Variants in WDR4 observed in about 807,000 individuals in gnomAD.
WDR4 encodes the protein tRNA (guanine-N(7)-)-methyltransferase non-catalytic subunit WDR4.
WDR4 carries 47 observed loss-of-function variants against 48.6 expected under a neutral mutation model. The ratio of observed to expected loss-of-function variants is 0.97; its 90% CI spans 0.77 to 1.23. WDR4 has a LOEUF of 1.23. Ranked by LOEUF, WDR4 falls within the 50% of genes most tolerant of loss-of-function variation. WDR4 has a pLI of 0.00. For missense variants in WDR4, 606 were observed against 551.6 expected (o/e 1.10, Z -0.99); for synonymous variants, 268 against 230.0 (o/e 1.17, Z -1.49).
At chr21:42,879,700 G>T, upstream of WDR4, 2 of 575,656 alleles carry the variant, frequency 3.5e-6, no homozygotes, top group East Asian at 2.9e-5. Context: ...GGTGTTTCGG[G>T]TTTGGCAGTT....
intron 3 of WDR4, among the ~76,000 whole-genome samples, chr21:42,863,915 G>A (rs1175493605): frequency 2.2e-5 from 2 of 91,744 alleles, no homozygotes; most frequent in African/African-American, 1.6e-4. Context: ...GACCATTCTG[G>A]CTAACACGGT....
chr21:42,874,770 A>G (rs139824053), intron 2 of WDR4, among the ~76,000 whole-genome samples: 1,897 of 152,196 alleles, frequency 0.012, 20 homozygotes, highest in Admixed American at 0.019. Flanking sequence ...CTGTCTCCTG[A>G]TAAGATGTTA....
chr21:42,873,694 G>C lies in WDR4; in HGVS notation c.156-3C>G. 6.2e-7 allele frequency: 1 copy of C among 1,612,562 alleles called. No homozygotes were observed. Among genetic ancestry groups the C allele is most frequent in the Non-Finnish European group, 8.5e-7 (1 of 1,179,136 alleles). On this transcript the variant is annotated splice_polypyrimidine_tract_variant and splice_region_variant and intron_variant, in intron 2 of 10. Transcript: ENST00000398208. ...CCTGGTCCAAGGGCGCGTCCTCCCTGAGGAAGAGAGGAGGAAGACGGTTAA... is the reference window on the plus strand; with the variant it reads ...CCTGGTCCAAGGGCGCGTCCTCCCTCAGGAAGAGAGGAGGAAGACGGTTAA...
chr21:42,872,150 A>G (rs965603143), intron 3 of WDR4, among the ~76,000 whole-genome samples: 16 of 151,978 alleles, frequency 1.1e-4, no homozygotes, highest in Admixed American at 9.8e-4. Flanking sequence ...ATGCCCAGCT[A>G]ATTTTGTATT....
intron 2 of WDR4, 62 bp from the exon 3 acceptor site, chr21:42,873,753 T>G (rs534847353): frequency 2.5e-6 from 4 of 1,568,872 alleles, no homozygotes; most frequent in Non-Finnish European, 3.5e-6. Flanking sequence ...GCATTCCTTG[T>G]TGGCCAGCGT....
chr21:42,865,534 T>C (rs2058227918), intron 3 of WDR4, among the ~76,000 whole-genome samples: 1 of 152,210 alleles, frequency 6.6e-6, no homozygotes, highest in African/African-American at 2.4e-5. Flanking sequence ...TCCGCGTCCC[T>C]TTGTCCTGCC....
chr21:42,857,619 T>G (rs2058025423), intron 6 of WDR4, among the ~76,000 whole-genome samples: 2 of 152,116 alleles, frequency 1.3e-5, no homozygotes, highest in Admixed American at 1.3e-4. Context: ...ACACGTGCAC[T>G]ATCCGAGAAT....
intron 3 of WDR4, among the ~76,000 whole-genome samples, chr21:42,863,802 TTTTC>T (rs879723500): frequency 6.6e-6 from 1 of 151,646 alleles, no homozygotes; most frequent in Non-Finnish European, 1.5e-5. Context: ...TTCACAACGT[TTTTC>T]TTTAAGAAAA....
At chr21:42,878,784 T>A (rs2146118810) in intron 1 of WDR4, among the ~76,000 whole-genome samples, 1 of 152,250 alleles carries the variant, frequency 6.6e-6, no homozygotes, top group African/African-American at 2.4e-5. Context: ...ACCCGAGCCG[T>A]GCGAAGGGCC....
chr21:42,880,081 G>A (rs961480099), upstream of WDR4, among the ~76,000 whole-genome samples: 8 of 151,340 alleles, frequency 5.3e-5, no homozygotes, highest in Non-Finnish European at 1.0e-4. Flanking sequence ...AGTGAGTCGA[G>A]ATCGCCCCCG....
In WDR4 at chr21:42,862,342, A is replaced by C; in HGVS notation, c.506T>G (p.Ile169Ser). 6.2e-7 allele frequency: 1 copy of C among 1,612,088 alleles called. No homozygotes were observed. Among genetic ancestry groups the C allele is most frequent in the Non-Finnish European group, 8.5e-7 (1 of 1,179,314 alleles). ...GGGCGCCGCGGCCCAGCTGACTCGG[A>C]TCTTCTCGTCCCGGTCGGCAGTGAG... ...FILTADRDEK[I>S]RVSWAAAPHS... The change falls in exon 5 of 11, where the codon ATC becomes AGC. Residue 169 changes from isoleucine (I) to serine (S), a missense_variant. Ile to Ser is a moderately radical substitution (Grantham distance 142). Transcript: ENST00000398208. The surrounding 1 kb of genome is among the most constrained non-coding windows in gnomAD (Gnocchi z 4.3).
chr21:42,875,434 A>G (rs2058468687), intron 2 of WDR4, among the ~76,000 whole-genome samples: 1 of 152,134 alleles, frequency 6.6e-6, no homozygotes, highest in Non-Finnish European at 1.5e-5. Flanking sequence ...GCGTGCCTGT[A>G]GTCCCAGCTA....
In WDR4 at chr21:42,862,291, C is replaced by T. The variant is rs1380936622; in HGVS notation, c.557G>A (p.Gly186Glu). Residue 186 changes from glycine (G) to glutamate (E), a missense_variant, in exon 5 of 11, where the codon GGG (glycine) becomes GAG (glutamate). Gly to Glu is a moderately conservative substitution (Grantham distance 98). Coordinates refer to ENST00000398208, the MANE Select transcript of WDR4 (RefSeq NM_018669.6). This position sits in a 1 kb window ranked among gnomAD's most constrained non-coding sequence, Gnocchi z 4.3. ...AGGAAGGGGCACTCACTCTGTGTGC[C>T]CCAAGCAGAAGGACTCGATGCTATG... ...APHSIESFCL[G>E]HTEFVSRISV... is the part of the protein sequence containing the mutation. The T allele has an allele frequency of 6.2e-7, 1 of 1,608,050 alleles. No homozygotes were observed.
chr21:42,848,571 G>A (rs528361969), downstream of WDR4, among the ~76,000 whole-genome samples: 2 of 51,726 alleles, frequency 3.9e-5, no homozygotes, highest in Non-Finnish European at 6.6e-5. Context: ...ATCACGCGGC[G>A]CGCACCTCAC....
Position 42,863,602 on chromosome 21 carries a change from A to T in WDR4, c.297-6T>A, listed in dbSNP as rs769029966. 3 of 1,610,286 alleles carry T rather than the reference A, an allele frequency of 1.9e-6. No homozygotes were observed. Among genetic ancestry groups the T allele is most frequent in the South Asian group, 2.2e-5 (2 of 90,934 alleles). ...TACACCTCCTTGCCACGGTCCTAGA[A>T]GGCCAGAAAGACACCCCCATTAGCT... On this transcript the variant is annotated splice_region_variant and splice_polypyrimidine_tract_variant and intron_variant, in intron 3 of 10. Transcript: ENST00000398208.
At chr21:42,875,913 G>A (rs956622167) in intron 2 of WDR4, among the ~76,000 whole-genome samples, 3 of 83,304 alleles carry the variant, frequency 3.6e-5, no homozygotes, top group Non-Finnish European at 7.3e-5. Flanking sequence ...TCCTAACACT[G>A]TGCTTTTTTT....
intron 2 of WDR4, among the ~76,000 whole-genome samples, chr21:42,875,485 G>A (rs1388909519): frequency 6.6e-6 from 1 of 152,128 alleles, no homozygotes; most frequent in East Asian, 1.9e-4. Flanking sequence ...AACCAGGGAG[G>A]TGGAGGTTGC....
At chr21:42,853,427 T>A (rs1328030908) in intron 9 of WDR4, 142 bp downstream of exon 9, 1 of 1,008,658 alleles carries the variant, frequency 9.9e-7, no homozygotes, top group Non-Finnish European at 1.4e-6. Context: ...GCCACTGCCA[T>A]TCAGGACACA....
At chr21:42,846,234 G>A (rs553700110), downstream of WDR4, among the ~76,000 whole-genome samples, 4 of 152,316 alleles carry the variant, frequency 2.6e-5, no homozygotes, top group African/African-American at 9.6e-5. Flanking sequence ...TAGAATGAAC[G>A]TGCTGTGGGA....
Sources: gnomAD v4.1 joint callset for allele counts (sites outside exome capture counted in the v4.1 genomes callset) on GRCh38, gnomAD v4.1.1 for gene constraint, Gnocchi (gnomAD v3.1) non-coding constraint, MANE v1.5 for transcripts, NCBI Gene and HGNC (gene_info 2026-07-23, HGNC 2026-07-21) for gene names.